The following CACNA1C variants were observed in gnomAD, a reference collection of about 807,000 sequenced individuals.
The protein encoded by CACNA1C is calcium voltage-gated channel subunit alpha1 C.
In CACNA1C, 30 loss-of-function variants were observed where a neutral mutation model predicts 229.0. The observed-to-expected ratio is 0.13, with a 90% CI of 0.10 to 0.18. The LOEUF (loss-of-function observed/expected upper bound fraction) is 0.18, where lower values mean the gene tolerates loss of function less well. Among genes scored for constraint, CACNA1C ranks in the 10% least tolerant of loss-of-function variants. The pLI, the probability that CACNA1C is intolerant of heterozygous loss-of-function variation, is 1.00. For synonymous variants in CACNA1C, 1,114 were observed against 1,132.5 expected, an observed-to-expected ratio of 0.98 and a Z score of 0.33; for missense variants, 1,658 against 2,845.0, an observed-to-expected ratio of 0.58 and a Z score of 9.49.
chr12:2,434,773 G>A (rs187086284), intron 3 of CACNA1C, among the ~76,000 whole-genome samples: 23 of 152,242 alleles, frequency 1.5e-4, no homozygotes, highest in Admixed American at 1.4e-3. Context: ...GATAGTCCCC[G>A]TCAGGCCGTA....
At chr12:2,302,985 C>T (rs2094694604) in intron 3 of CACNA1C, among the ~76,000 whole-genome samples, 1 of 152,210 alleles carries the variant, frequency 6.6e-6, no homozygotes. Flanking sequence ...AAATGCAGAG[C>T]CTGCATCACA....
chr12:2,208,966 C>T (rs1056754050), intron 3 of CACNA1C, among the ~76,000 whole-genome samples: 2 of 152,180 alleles, frequency 1.3e-5, no homozygotes, highest in African/African-American at 2.4e-5. Context: ...GCCCCAGACC[C>T]CTGGGCCTCA....
intron 3 of CACNA1C, among the ~76,000 whole-genome samples, chr12:2,349,833 A>G (rs889320911): frequency 1.1e-4 from 17 of 152,180 alleles, no homozygotes; most frequent in Non-Finnish European, 2.1e-4. Flanking sequence ...GGGGCTCTCC[A>G]TGTACTAGGT....
chr12:2,245,468 C>T (rs2072731262), intron 3 of CACNA1C, among the ~76,000 whole-genome samples: 1 of 152,204 alleles, frequency 6.6e-6, no homozygotes, highest in South Asian at 2.1e-4. Context: ...AGTGTCATCC[C>T]ATTTCACAGA....
intron 1 of CACNA1C, chr12:1,997,929 TCTTAC>T: frequency 6.2e-7 from 1 of 1,604,074 alleles, no homozygotes; most frequent in Non-Finnish European, 8.5e-7. Flanking sequence ...AGTGAAACAC[TCTTAC>T]CTTGTATAAA....
intron 1 of CACNA1C, among the ~76,000 whole-genome samples, chr12:1,983,120 GTCT>G (rs1305832945): frequency 2.0e-5 from 3 of 148,782 alleles, no homozygotes; most frequent in African/African-American, 4.9e-5. Context: ...GCTAATTTGT[GTCT>G]TCTTTTTTTT....
intron 3 of CACNA1C, among the ~76,000 whole-genome samples, chr12:2,425,309 C>T (rs2099019188): frequency 6.6e-6 from 1 of 152,172 alleles, no homozygotes; most frequent in Admixed American, 6.5e-5. Flanking sequence ...ACAGTATAAT[C>T]GCAATTTTGG....
chr12:2,161,099 C>T (rs1430133843), intron 3 of CACNA1C, among the ~76,000 whole-genome samples: 3 of 152,246 alleles, frequency 2.0e-5, no homozygotes, highest in East Asian at 1.9e-4. Context: ...GGATAACAGG[C>T]GTGAGCCACC....
chr12:2,418,753 T>C (rs1387375719), intron 3 of CACNA1C, among the ~76,000 whole-genome samples: 2 of 152,092 alleles, frequency 1.3e-5, no homozygotes, highest in Non-Finnish European at 2.9e-5. Flanking sequence ...AACTGGCCAG[T>C]GGAGCCTCTA....
rs1463341544 is a variant in CACNA1C at position 2,486,012 on chromosome 12, C to T, written c.758-92C>T. ...ATCTAAACAACAGGGCTGGCAGTTC[C>T]TTCCTTGCAGAGTTGCTGGAAGATT... On this transcript the variant is annotated intron_variant, in intron 5 of 46. Transcript: ENST00000399655. The surrounding 1 kb of genome is among the most constrained non-coding windows in gnomAD (Gnocchi z 4.9). The T allele has an allele frequency of 9.3e-6, 10 of 1,076,318 alleles. No individual in the cohort carries two copies. Among genetic ancestry groups the T allele is most frequent in the Non-Finnish European group, 1.2e-5 (9 of 768,600 alleles). The allele number at this position is 1,076,318 out of a possible 1,614,324, so 66.7% of individuals were successfully genotyped here. A position where few individuals can be genotyped will look rare whatever the true frequency, so the allele number is the denominator to read the frequency against.
At position 2,370,886 on chromosome 12, in the gene CACNA1C, G is replaced by T. The variant is rs141395603; in HGVS notation, c.478-78090G>T. ...AGTCTGCGGTGTCCAGGTGGGGAGG[G>T]GGCAGTCCCTATGCTCTGTACAGTC... is the stretch of plus-strand genomic sequence containing the variant. On this transcript the variant is annotated intron_variant, in intron 3 of 46. Transcript: ENST00000399655. Among the ~76,000 whole-genome samples, 956 of 152,182 alleles carry T rather than the reference G, an allele frequency of 6.3e-3. 6 individuals carry two copies. Among genetic ancestry groups the T allele is most frequent in the African/African-American group, 0.022 (912 of 41,506 alleles).
intron 3 of CACNA1C, among the ~76,000 whole-genome samples, chr12:2,167,504 T>C (rs1172866985): frequency 2.0e-5 from 3 of 152,236 alleles, no homozygotes; most frequent in Non-Finnish European, 2.9e-5. Flanking sequence ...CTTTTTATTT[T>C]AGCAGGCATT....
At position 2,054,085 on chromosome 12, in the gene CACNA1C, C is replaced by A. The variant is rs1322113783; in HGVS notation, c.49+474C>A. Reference sequence around the variant, plus strand: ...GCCGGCAGAGCCCGGCGCCCACGGCCGCCCCTGGGGCGCCCTCGCGCTGCC... The same window carrying A: ...GCCGGCAGAGCCCGGCGCCCACGGCAGCCCCTGGGGCGCCCTCGCGCTGCC... On this transcript the variant is annotated intron_variant, in intron 1 of 46. Coordinates refer to ENST00000399655, the MANE Select transcript of CACNA1C (RefSeq NM_000719.7). This position sits in a 1 kb window ranked among gnomAD's most constrained non-coding sequence, Gnocchi z 5.5. Among the ~76,000 whole-genome samples, 1 of 148,802 alleles carries A rather than the reference C, an allele frequency of 6.7e-6. No homozygotes were observed. Among genetic ancestry groups the A allele is most frequent in the Non-Finnish European group, 1.5e-5 (1 of 66,996 alleles).
chr12:2,419,434 A>C (rs1194097246), intron 3 of CACNA1C, among the ~76,000 whole-genome samples: 1 of 152,104 alleles, frequency 6.6e-6, no homozygotes, highest in East Asian at 1.9e-4. Flanking sequence ...GAACACCCCC[A>C]CCAGGCCCAC....
chr12:2,415,141 G>A (rs918580572), intron 3 of CACNA1C, among the ~76,000 whole-genome samples: 1 of 152,222 alleles, frequency 6.6e-6, no homozygotes, highest in African/African-American at 2.4e-5. Context: ...GGCTCACGCA[G>A]AGGATCCACT....
chr12:2,092,343 C>G (rs1316094446), intron 1 of CACNA1C, among the ~76,000 whole-genome samples: 1 of 152,224 alleles, frequency 6.6e-6, no homozygotes, highest in Non-Finnish European at 1.5e-5. Flanking sequence ...GCCCCCTCTT[C>G]CAGTTCAAAC....
At chr12:2,676,917 T>C in intron 39 of CACNA1C, 177 bp from the exon 40 acceptor site, 1 of 542,250 alleles carries the variant, frequency 1.8e-6, no homozygotes, top group East Asian at 3.2e-5. Context: ...GGAGAGACTT[T>C]TGACCATAAG....
intron 3 of CACNA1C, among the ~76,000 whole-genome samples, chr12:2,120,698 T>TG (rs2086283165): frequency 1.3e-5 from 1 of 79,966 alleles, no homozygotes; most frequent in Non-Finnish European, 2.6e-5. Flanking sequence ...GTGTGTGTGT[T>TG]TAGTAGCAAA....
At chr12:2,367,911 A>T (rs1369529147) in intron 3 of CACNA1C, among the ~76,000 whole-genome samples, 1 of 152,166 alleles carries the variant, frequency 6.6e-6, no homozygotes, top group East Asian at 1.9e-4. Flanking sequence ...CATTATCTTG[A>T]CAAAGATGTC....
Sources: allele counts gnomAD v4.1 joint callset (sites outside exome capture counted in the v4.1 genomes callset), GRCh38; gene constraint gnomAD v4.1.1; non-coding constraint Gnocchi (gnomAD v3.1); transcripts MANE v1.5; gene names NCBI Gene and HGNC (gene_info 2026-07-23, HGNC 2026-07-21).